The following CDH4 variants were observed in gnomAD, a reference collection of about 807,000 sequenced individuals.
CDH4 encodes the protein cadherin 4, also known as cadherin-4.
A neutral mutation model predicts 86.0 loss-of-function variants in CDH4; 33 were observed. That is an observed-to-expected ratio of 0.38 (90% confidence interval 0.29 to 0.51). The LOEUF is 0.51. Among genes scored for constraint, CDH4 ranks in the 20% least tolerant of loss-of-function variants. The pLI is 0.86. For synonymous variants in CDH4, 555 were observed against 549.4 expected (o/e 1.01, Z -0.14); for missense variants, 1,114 against 1,307.4 (o/e 0.85, Z 2.28).
chr20:61,438,022 A>G (rs1186900184), intron 2 of CDH4, among the ~76,000 whole-genome samples: 8 of 152,322 alleles, frequency 5.3e-5, no homozygotes, highest in Non-Finnish European at 7.3e-5. Flanking sequence ...ACAGCACTTA[A>G]TGACCCGTCC....
intron 2 of CDH4, among the ~76,000 whole-genome samples, chr20:61,257,416 A>G (rs1600810718): frequency 6.6e-6 from 1 of 152,274 alleles, no homozygotes; most frequent in South Asian, 2.1e-4. Context: ...GTTTTCCCCA[A>G]TAGGGTAGCA....
intron 4 of CDH4, among the ~76,000 whole-genome samples, chr20:61,809,773 G>A (rs1318841625): frequency 6.6e-6 from 1 of 152,250 alleles, no homozygotes; most frequent in Non-Finnish European, 1.5e-5. Context: ...GACGAAGGCA[G>A]AACCTTCCAT....
Position 61,684,333 on chromosome 20 carries a change from C to T in CDH4, c.170-59230C>T, listed in dbSNP as rs182091593. On this transcript the variant is annotated intron_variant, in intron 2 of 15. Transcript: ENST00000614565. The surrounding 1 kb of genome is among the most constrained non-coding windows in gnomAD (Gnocchi z 4.5). ...AGCCCTGTGGGAAGAGCAGGGGGGC[C>T]GCCCAGCTAAGGAAGCAGCAAGCGC... Among the ~76,000 whole-genome samples the T allele has an allele frequency of 2.7e-4, 41 of 152,238 alleles. No individual in the cohort carries two copies. The East Asian group carries it at 7.5e-3, about 28-fold the overall frequency.
chr20:61,375,799 T>G (rs2084865848), intron 2 of CDH4, among the ~76,000 whole-genome samples: 1 of 142,132 alleles, frequency 7.0e-6, no homozygotes, highest in African/African-American at 2.6e-5. Context: ...GATGCTATGG[T>G]TTGTTGATGG....
rs1456097695 is a variant in CDH4 at position 61,282,996 on chromosome 20, G to A, written c.169+28059G>A. Among the ~76,000 whole-genome samples the A allele has an allele frequency of 4.9e-5, 2 of 41,074 alleles. 1 individual carries two copies. The highest frequency in any genetic ancestry group is 1.0e-4 in the Non-Finnish European group (2 of 19,582). The allele number at this position is 41,074 out of a possible 152,430, so 26.9% of individuals were successfully genotyped here. Reference sequence around the variant, plus strand: ...GCGCGTGCTGTGGCGTGTGATGTACGTGCGTTTGCACGCGCGTGCTGTGGC... The same window carrying A: ...GCGCGTGCTGTGGCGTGTGATGTACATGCGTTTGCACGCGCGTGCTGTGGC... On this transcript the variant is annotated intron_variant, in intron 2 of 15. Coordinates refer to ENST00000614565, the MANE Select transcript of CDH4 (RefSeq NM_001794.5).
At chr20:61,260,889 T>C (rs1436708320) in intron 2 of CDH4, among the ~76,000 whole-genome samples, 2 of 152,150 alleles carry the variant, frequency 1.3e-5, no homozygotes, top group African/African-American at 4.8e-5. Flanking sequence ...GTGGTTGCTA[T>C]CAGATAAAAG....
chr20:61,723,468 CTT>C (rs1158264015), intron 2 of CDH4, among the ~76,000 whole-genome samples: 2 of 152,182 alleles, frequency 1.3e-5, no homozygotes, highest in African/African-American at 4.8e-5. Context: ...CTTGGCTTCC[CTT>C]TGCTCAAGGC....
At chr20:61,762,098 G>A (rs897242889) in intron 3 of CDH4, among the ~76,000 whole-genome samples, 5 of 152,356 alleles carry the variant, frequency 3.3e-5, no homozygotes, top group East Asian at 1.9e-4. Context: ...GCTCCCCTGC[G>A]CTGTTTCCCT....
At position 61,554,610 on chromosome 20, in the gene CDH4, A is replaced by C. The variant is rs550641509; in HGVS notation, c.170-188953A>C. Reference sequence around the variant, plus strand: ...CAGCCAGGCTGACAACAGGTCACCCACAGACTCTCAAAGCGGCTGCCTGGG... The same window carrying C: ...CAGCCAGGCTGACAACAGGTCACCCCCAGACTCTCAAAGCGGCTGCCTGGG... On this transcript the variant is annotated intron_variant, in intron 2 of 15. Transcript: ENST00000614565. Among the ~76,000 whole-genome samples the C allele has an allele frequency of 2.6e-5, 4 of 152,362 alleles. No homozygotes were observed. In the East Asian group the frequency reaches 7.7e-4, roughly 29 times the overall value.
intron 4 of CDH4, among the ~76,000 whole-genome samples, chr20:61,843,580 G>C (rs1011118550): frequency 6.6e-6 from 1 of 151,198 alleles, no homozygotes; most frequent in Non-Finnish European, 1.5e-5. Context: ...TGTAGTCCCA[G>C]CTACTCCGGG....
intron 2 of CDH4, among the ~76,000 whole-genome samples, chr20:61,363,676 A>C (rs190314453): frequency 1.5e-3 from 228 of 152,272 alleles, no homozygotes; most frequent in African/African-American, 5.1e-3. Flanking sequence ...CACAGGCCAG[A>C]AGGTGAGAAA....
At chr20:61,936,642 C>G (rs2055193931) in intron 15 of CDH4, 95 bp from the exon 16 acceptor site, 1 of 1,017,226 alleles carries the variant, frequency 9.8e-7, no homozygotes, top group South Asian at 2.0e-5. Flanking sequence ...GTCCTACCTC[C>G]CTACCTCTTC....
intron 2 of CDH4, among the ~76,000 whole-genome samples, chr20:61,398,516 G>A (rs1166246942): frequency 6.6e-6 from 1 of 152,206 alleles, no homozygotes; most frequent in Admixed American, 6.5e-5. Context: ...ATGGGTAGGA[G>A]GAGACCAGGG....
At chr20:61,687,164 C>T (rs1018490594) in intron 2 of CDH4, among the ~76,000 whole-genome samples, 1 of 152,212 alleles carries the variant, frequency 6.6e-6, no homozygotes, top group African/African-American at 2.4e-5. Context: ...TCCACTGAAG[C>T]AACCACACCC....
intron 4 of CDH4, among the ~76,000 whole-genome samples, chr20:61,796,763 C>A (rs550243859): frequency 1.1e-4 from 17 of 152,236 alleles, no homozygotes; most frequent in African/African-American, 3.4e-4. Context: ...GCTCCCAGCA[C>A]CCCCATCCTG....
At position 61,934,022 on chromosome 20, in the gene CDH4, G is replaced by T. The variant is rs372441957; in HGVS notation, c.2380-34G>T. 2.5e-6 allele frequency: 4 copies of T among 1,606,932 alleles called. No individual in the cohort carries two copies. The African/African-American group carries it at 5.4e-5, about 22-fold the overall frequency. ...GGAAGGGGGGCTGGCGGATTCTTCTGATGCCCCTGACTCCTCCCGGCTCCC... is the reference window on the plus strand; with the variant it reads ...GGAAGGGGGGCTGGCGGATTCTTCTTATGCCCCTGACTCCTCCCGGCTCCC... On this transcript the variant is annotated intron_variant, in intron 14 of 15. Coordinates refer to ENST00000614565, the MANE Select transcript of CDH4 (RefSeq NM_001794.5).
intron 6 of CDH4, among the ~76,000 whole-genome samples, chr20:61,859,281 T>C (rs1028741423): frequency 9.9e-5 from 15 of 152,240 alleles, no homozygotes; most frequent in Admixed American, 3.3e-4. Context: ...CGGAATTCTT[T>C]ACGTATTCTA....
At chr20:61,266,402 T>G (rs1209106724) in intron 2 of CDH4, among the ~76,000 whole-genome samples, 1 of 151,890 alleles carries the variant, frequency 6.6e-6, no homozygotes, top group Non-Finnish European at 1.5e-5. Flanking sequence ...AGTGTGCCCT[T>G]GGGTTTCTGT....
intron 2 of CDH4, among the ~76,000 whole-genome samples, chr20:61,500,991 G>C (rs777504627): frequency 6.6e-6 from 1 of 152,194 alleles, no homozygotes; most frequent in African/African-American, 2.4e-5. Context: ...CCTTGACATC[G>C]TGTCATTCCT....
Sources: allele counts gnomAD v4.1 joint callset (sites outside exome capture counted in the v4.1 genomes callset), GRCh38; gene constraint gnomAD v4.1.1; non-coding constraint Gnocchi (gnomAD v3.1); transcripts MANE v1.5; gene names NCBI Gene and HGNC (gene_info 2026-07-23, HGNC 2026-07-21).